GABRB2: variants seen among roughly 807,000 people sequenced by gnomAD.
The protein encoded by GABRB2 is gamma-aminobutyric acid type A receptor subunit beta2, also known as gamma-aminobutyric acid receptor subunit beta-2.
GABRB2 carries 16 observed loss-of-function variants against 54.7 expected under a neutral mutation model. The ratio of observed to expected loss-of-function variants is 0.29; its 90% CI spans 0.20 to 0.44. GABRB2 has a LOEUF of 0.44. Among genes scored for constraint, GABRB2 ranks in the 20% least tolerant of loss-of-function variants. The pLI is 1.00. For synonymous variants in GABRB2, 244 were observed against 233.8 expected, an observed-to-expected ratio of 1.04 and a Z score of -0.40; for missense variants, 355 against 644.0, an observed-to-expected ratio of 0.55 and a Z score of 4.86.
At chr5:161,414,303 C>T (rs1431167308) in intron 4 of GABRB2, among the ~76,000 whole-genome samples, 2 of 152,122 alleles carry the variant, frequency 1.3e-5, no homozygotes, top group Non-Finnish European at 2.9e-5. Context: ...AACTTGCCAC[C>T]TTACTTTGCT....
In GABRB2 at chr5:161,329,096, G is replaced by C. The variant is rs1561609729; in HGVS notation, c.1077+1787C>G. Among the ~76,000 whole-genome samples the C allele has an allele frequency of 2.6e-5, 4 of 152,006 alleles. No homozygotes were observed. The South Asian group carries it at 6.2e-4, about 24-fold the overall frequency. ...TTTGTATAAAACCTCCTCCCTCTAG[G>C]TCTTAACTTTATCATTTAAATGCAA... On this transcript the variant is annotated intron_variant, in intron 8 of 9. Transcript: ENST00000393959.
At chr5:161,322,531 C>G (rs1036545709) in intron 9 of GABRB2, among the ~76,000 whole-genome samples, 5 of 152,026 alleles carry the variant, frequency 3.3e-5, no homozygotes, top group African/African-American at 7.3e-5. Context: ...TCACTGTGCC[C>G]GGAGAAGAAG....
intron 3 of GABRB2, among the ~76,000 whole-genome samples, chr5:161,487,471 A>G (rs901467846): frequency 4.0e-5 from 6 of 151,886 alleles, no homozygotes; most frequent in Non-Finnish European, 8.8e-5. Context: ...GTTGAAAACT[A>G]TGGAACTTGA....
At chr5:161,461,370 C>T (rs1758113617) in intron 3 of GABRB2, among the ~76,000 whole-genome samples, 1 of 152,146 alleles carries the variant, frequency 6.6e-6, no homozygotes. Flanking sequence ...GTAATGTGAG[C>T]ATTGCTCTTG....
chr5:161,392,337 T>C (rs929385541), intron 5 of GABRB2, among the ~76,000 whole-genome samples: 2 of 152,192 alleles, frequency 1.3e-5, no homozygotes, highest in Non-Finnish European at 1.5e-5. Context: ...AATGATCAAA[T>C]AGCTAAGTAA....
At chr5:161,480,917 T>A (rs1175971715) in intron 3 of GABRB2, among the ~76,000 whole-genome samples, 2 of 151,988 alleles carry the variant, frequency 1.3e-5, no homozygotes. Flanking sequence ...GGGAAAACAT[T>A]CCCATTATCA....
rs929395821 is a variant in GABRB2 at position 161,426,491 on chromosome 5, GA to G, written c.459-15435del. Among the ~76,000 whole-genome samples the G allele has an allele frequency of 2.6e-5, 4 of 151,436 alleles. No individual in the cohort carries two copies. The East Asian group carries it at 5.8e-4, about 22-fold the overall frequency. Reference sequence around the variant, plus strand: ...AAAAATCATCTAGAAGACAAATCAGGAAAAAAAATGTACTTGACTGAAAATT... The same window carrying G: ...AAAAATCATCTAGAAGACAAATCAGGAAAAAAATGTACTTGACTGAAAATT... On this transcript the variant is annotated intron_variant, in intron 4 of 9. Coordinates refer to ENST00000393959, the MANE Select transcript of GABRB2 (RefSeq NM_001371727.1).
At chr5:161,434,003 C>A (rs1454128114) in intron 4 of GABRB2, among the ~76,000 whole-genome samples, 2 of 152,038 alleles carry the variant, frequency 1.3e-5, no homozygotes, top group African/African-American at 4.8e-5. Context: ...GAAAATATTA[C>A]CGAAATGTCT....
intron 4 of GABRB2, among the ~76,000 whole-genome samples, chr5:161,433,424 A>T (rs1251185479): frequency 6.9e-6 from 1 of 145,756 alleles, no homozygotes; most frequent in Non-Finnish European, 1.5e-5. Flanking sequence ...ATATGGCAAA[A>T]CCCTGTCTCT....
intron 9 of GABRB2, among the ~76,000 whole-genome samples, chr5:161,315,268 T>C (rs572014934): frequency 5.3e-5 from 8 of 152,280 alleles, no homozygotes; most frequent in South Asian, 2.1e-4. Flanking sequence ...AGAAACCCAA[T>C]TGAAAGAAAA....
At chr5:161,361,756 GC>G (rs1246670370) in intron 5 of GABRB2, among the ~76,000 whole-genome samples, 1 of 152,106 alleles carries the variant, frequency 6.6e-6, no homozygotes, top group Non-Finnish European at 1.5e-5. Flanking sequence ...TTGGGAAGCT[GC>G]AGCTGAAGGA....
intron 5 of GABRB2, among the ~76,000 whole-genome samples, chr5:161,390,385 A>C (rs2113033448): frequency 6.6e-6 from 1 of 152,196 alleles, no homozygotes; most frequent in East Asian, 1.9e-4. Flanking sequence ...CCAAAGAGCA[A>C]AAATTTCTCA....
At chr5:161,419,193 C>T (rs952142263) in intron 4 of GABRB2, among the ~76,000 whole-genome samples, 4 of 152,028 alleles carry the variant, frequency 2.6e-5, no homozygotes. Flanking sequence ...AAGTGGTCCA[C>T]AAACATATGA....
At chr5:161,439,797 C>A (rs1204821011) in intron 4 of GABRB2, among the ~76,000 whole-genome samples, 2 of 151,170 alleles carry the variant, frequency 1.3e-5, no homozygotes, top group East Asian at 1.9e-4. Flanking sequence ...TGGTGGGGAA[C>A]AACACACATG....
chr5:161,487,689 C>T (rs1275726629), intron 3 of GABRB2, among the ~76,000 whole-genome samples: 2 of 151,856 alleles, frequency 1.3e-5, no homozygotes, highest in Non-Finnish European at 2.9e-5. Context: ...AAAATAGTAA[C>T]ATTAATGCCC....
intron 3 of GABRB2, among the ~76,000 whole-genome samples, chr5:161,488,468 T>G (rs1210995541): frequency 2.0e-5 from 3 of 151,724 alleles, no homozygotes; most frequent in South Asian, 2.1e-4. Flanking sequence ...TTTGGTGAAA[T>G]ATGATTGTAT....
chr5:161,380,768 G>A (rs1274417862), intron 5 of GABRB2, among the ~76,000 whole-genome samples: 1 of 152,058 alleles, frequency 6.6e-6, no homozygotes, highest in Non-Finnish European at 1.5e-5. Flanking sequence ...CTTACATGGA[G>A]CCAGAATGAA....
chr5:161,439,566 T>C (rs1757403010), intron 4 of GABRB2, among the ~76,000 whole-genome samples: 1 of 152,116 alleles, frequency 6.6e-6, no homozygotes, highest in Admixed American at 6.5e-5. Context: ...GGCTAAATGA[T>C]GAATCAATAA....
At chr5:161,330,819 A>G (rs746420775) in intron 8 of GABRB2, 64 bp downstream of exon 8, 1 of 1,605,146 alleles carries the variant, frequency 6.2e-7, no homozygotes. Context: ...AAGGTCATCA[A>G]CCTGTATTGC....
Sources: allele counts gnomAD v4.1 joint callset (sites outside exome capture counted in the v4.1 genomes callset), GRCh38; gene constraint gnomAD v4.1.1; transcripts MANE v1.5; gene names NCBI Gene and HGNC (gene_info 2026-07-23, HGNC 2026-07-21).